Variants in DPY19L1 observed in about 807,000 individuals in gnomAD.
The protein encoded by DPY19L1 is dpy-19 like C-mannosyltransferase 1, also known as protein C-mannosyl-transferase DPY19L1.
In DPY19L1, 35 loss-of-function variants were observed where a neutral mutation model predicts 96.9. The observed-to-expected ratio is 0.36, with a 90% confidence interval of 0.28 to 0.48. DPY19L1 has a LOEUF of 0.48. Among genes scored for constraint, DPY19L1 ranks in the 20% least tolerant of loss-of-function variants. The pLI, the probability that DPY19L1 is intolerant of heterozygous loss-of-function variation, is 0.99. For missense variants in DPY19L1, 521 were observed against 777.9 expected (o/e 0.67, Z 3.93); for synonymous variants, 205 against 252.6 (o/e 0.81, Z 1.79).
At chr7:35,037,846 G>T, upstream of DPY19L1, 1 of 1,232,754 alleles carries the variant, frequency 8.1e-7, no homozygotes, top group Non-Finnish European at 1.0e-6. Flanking sequence ...GGGCTCGGCC[G>T]GTGCGAGGAC....
rs1584244231 is a variant in DPY19L1 at position 34,995,482 on chromosome 7, T to C, written c.765-5541A>G. The stretch of plus-strand genomic sequence containing the variant: ...TTTTCTTAGATATAAAATGAAGGGA[T>C]AATAAAAAATAAAGTTAAAAAGGAC... On this transcript the variant is annotated intron_variant, in intron 6 of 21. Coordinates refer to ENST00000638088, the MANE Select transcript of DPY19L1 (RefSeq NM_001366673.1). 3.9e-5 allele frequency among the ~76,000 whole-genome samples: 6 copies of C among 152,290 alleles called. No homozygotes were observed. The South Asian group carries it at 1.2e-3, about 32-fold the overall frequency.
intron 8 of DPY19L1, among the ~76,000 whole-genome samples, chr7:34,972,824 T>C (rs1166560460): frequency 6.6e-6 from 1 of 152,166 alleles, no homozygotes; most frequent in Non-Finnish European, 1.5e-5. Context: ...ACCCATCCCA[T>C]GTTCTATGAA....
intron 7 of DPY19L1, among the ~76,000 whole-genome samples, chr7:34,975,049 C>G (rs185691225): frequency 2.0e-5 from 3 of 152,014 alleles, no homozygotes; most frequent in African/African-American, 7.3e-5. Flanking sequence ...TCCCTCCCAT[C>G]GGGCCTCCAA....
intron 7 of DPY19L1, among the ~76,000 whole-genome samples, chr7:34,978,118 T>C (rs1368872838): frequency 2.6e-5 from 4 of 152,148 alleles, no homozygotes; most frequent in African/African-American, 9.6e-5. Context: ...GGGAATACAG[T>C]ATGATCTAAT....
At chr7:35,013,855 C>CTAAAGT (rs1437584644) in intron 3 of DPY19L1, 150 bp from the exon 4 acceptor site, 1 of 529,964 alleles carries the variant, frequency 1.9e-6, no homozygotes, top group Non-Finnish European at 3.1e-6. Context: ...CTGATAAATC[C>CTAAAGT]TAAAGTTGTG....
At chr7:34,973,720 G>A (rs1784776190) in intron 7 of DPY19L1, 115 bp from the exon 8 acceptor site, 7 of 509,320 alleles carry the variant, frequency 1.4e-5, no homozygotes, top group African/African-American at 2.0e-5. Context: ...ACGGTGTGTT[G>A]TAAAACAAAC....
intron 6 of DPY19L1, among the ~76,000 whole-genome samples, chr7:34,990,286 C>T (rs950379220): frequency 1.3e-5 from 2 of 151,976 alleles, no homozygotes; most frequent in Non-Finnish European, 2.9e-5. Flanking sequence ...TATTTATGTC[C>T]TTCAACATTT....
chr7:34,952,263 AACTG>A (rs1186341380), intron 13 of DPY19L1, among the ~76,000 whole-genome samples: 1 of 152,092 alleles, frequency 6.6e-6, no homozygotes, highest in Non-Finnish European at 1.5e-5. Context: ...TAAGAATTTT[AACTG>A]ACTAAATTTA....
At chr7:34,951,561 A>G (rs1784266616) in intron 13 of DPY19L1, among the ~76,000 whole-genome samples, 1 of 152,010 alleles carries the variant, frequency 6.6e-6, no homozygotes, top group Admixed American at 6.5e-5. Flanking sequence ...ACATACTTAC[A>G]AAGAAAATTT....
intron 8 of DPY19L1, among the ~76,000 whole-genome samples, chr7:34,970,442 A>G (rs952894729): frequency 1.3e-5 from 2 of 152,220 alleles, no homozygotes; most frequent in South Asian, 2.1e-4. Flanking sequence ...TTAAAAATGC[A>G]GATCAGCAGA....
rs146426175 is a variant in DPY19L1, at chr7:35,009,889, T to C, written c.764+579A>G. 3.9e-3 allele frequency among the ~76,000 whole-genome samples: 592 copies of C among 152,280 alleles called. 4 individuals are homozygous for C. Among genetic ancestry groups the C allele is most frequent in the South Asian group, 0.019 (90 of 4,818 alleles). On this transcript the variant is annotated intron_variant, in intron 6 of 21. Transcript: ENST00000638088. ...CCATAACAATATATTAGATATTCCA[T>C]AACAATATATGGAATATATATTGCT...
chr7:34,985,029 T>C (rs1441278626), intron 7 of DPY19L1, among the ~76,000 whole-genome samples: 1 of 152,036 alleles, frequency 6.6e-6, no homozygotes, highest in African/African-American at 2.4e-5. Context: ...CTTACCAACC[T>C]TACCAAAACC....
chr7:34,998,230 A>T (rs1192368265), intron 6 of DPY19L1, among the ~76,000 whole-genome samples: 1 of 152,174 alleles, frequency 6.6e-6, no homozygotes, highest in Non-Finnish European at 1.5e-5. Context: ...ATGTCTACAA[A>T]AGGACGTCCA....
At chr7:34,987,844 C>A (rs1295899431) in intron 7 of DPY19L1, 1 of 151,998 alleles carries the variant, frequency 6.6e-6, no homozygotes, top group African/African-American at 2.4e-5. Context: ...CCCAAAACTG[C>A]AGTTTATGCT....
chr7:34,958,057 A>T lies in DPY19L1; in HGVS notation c.1106T>A (p.Leu369His), dbSNP rs949303842. Residue 369 changes from leucine to histidine, a missense_variant, in exon 11 of 22, where the codon CTT becomes CAT. Leu to His is a moderately conservative substitution (Grantham distance 99). Coordinates refer to ENST00000638088, the MANE Select transcript of DPY19L1 (RefSeq NM_001366673.1). The part of the protein sequence containing the change: ...IIYIHMISLA[L>H]CFVLMFGNSM... The stretch of plus-strand genomic sequence containing the variant: ...GTTCCCAAACATCAAAACAAAACAA[A>T]GTGCAAGAGAAATCTGGAAAAATCC... 1 of 1,578,324 alleles carries T rather than the reference A, an allele frequency of 6.3e-7. No individual in the cohort carries two copies. The highest frequency in any genetic ancestry group is 8.5e-7 in the Non-Finnish European group (1 of 1,170,240).
chr7:34,949,543 CCT>C (rs2128784222), intron 14 of DPY19L1, among the ~76,000 whole-genome samples: 2 of 152,244 alleles, frequency 1.3e-5, no homozygotes, highest in East Asian at 3.9e-4. Flanking sequence ...ACTTGAAATG[CCT>C]CTGTGTTTAC....
Position 34,949,707 on chromosome 7 carries a change from C to A in DPY19L1, c.1422+90G>T, listed in dbSNP as rs974609201. 34 of 788,704 alleles carry A rather than the reference C, an allele frequency of 4.3e-5. 1 individual carries two copies. Among genetic ancestry groups the A allele is most frequent in the Non-Finnish European group, 6.8e-5 (33 of 482,918 alleles). The allele number at this position is 788,704 out of a possible 1,614,324, so 48.9% of individuals were successfully genotyped here. A position where few individuals can be genotyped will look rare whatever the true frequency, so the allele number is the denominator to read the frequency against. On this transcript the variant is annotated intron_variant, in intron 14 of 21. Coordinates refer to ENST00000638088, the MANE Select transcript of DPY19L1 (RefSeq NM_001366673.1). ...CTTTTCCTTCAAACTGAGATAACAG[C>A]ACATAAAGAGTCTGATATAAGAGGA...
At chr7:34,967,195 T>G (rs1784629679) in intron 9 of DPY19L1, among the ~76,000 whole-genome samples, 1 of 152,208 alleles carries the variant, frequency 6.6e-6, no homozygotes, top group Admixed American at 6.5e-5. Flanking sequence ...TCATGTGAAT[T>G]GTCTACTTTG....
chr7:34,934,531 G>T (rs1783825123), intron 21 of DPY19L1, among the ~76,000 whole-genome samples: 1 of 152,092 alleles, frequency 6.6e-6, no homozygotes, highest in African/African-American at 2.4e-5. Flanking sequence ...GTCTTGTGCA[G>T]AGCTCCCTTC....
Sources: gnomAD v4.1 joint callset for allele counts (sites outside exome capture counted in the v4.1 genomes callset) on GRCh38, gnomAD v4.1.1 for gene constraint, MANE v1.5 for transcripts, NCBI Gene and HGNC (gene_info 2026-07-23, HGNC 2026-07-21) for gene names.